The following SRRM4 variants were observed in gnomAD, a reference collection of about 807,000 sequenced individuals.
SRRM4 encodes the protein serine/arginine repetitive matrix protein 4.
SRRM4 carries 33 observed loss-of-function variants against 68.9 expected under a neutral mutation model. That is an observed-to-expected ratio of 0.48 (90% CI 0.36 to 0.64). SRRM4 has a LOEUF of 0.64. Among genes scored for constraint, SRRM4 ranks in the 30% least tolerant of loss-of-function variants. The pLI is 0.00. For missense variants in SRRM4, 817 were observed against 827.1 expected (o/e 0.99, Z 0.15); for synonymous variants, 318 against 318.8 (o/e 1.00, Z 0.03).
intron 1 of SRRM4, among the ~76,000 whole-genome samples, chr12:118,982,686 T>TG (rs1249788875): frequency 7.1e-6 from 1 of 141,294 alleles, no homozygotes; most frequent in East Asian, 2.0e-4. Context: ...TTTGTTTTTT[T>TG]TTTTTTTTTC....
chr12:119,025,299 G>T (rs907956097), intron 1 of SRRM4, among the ~76,000 whole-genome samples: 29 of 152,094 alleles, frequency 1.9e-4, no homozygotes, highest in African/African-American at 7.0e-4. Flanking sequence ...CAGGGGGGCT[G>T]GAATATATGG....
chr12:119,010,168 T>C (rs1220638109), intron 1 of SRRM4, among the ~76,000 whole-genome samples: 8 of 152,212 alleles, frequency 5.3e-5, no homozygotes, highest in Non-Finnish European at 1.2e-4. Flanking sequence ...TTCTCCGGCC[T>C]CAGCCTCCTG....
chr12:119,024,523 A>G (rs1295573152), intron 1 of SRRM4, among the ~76,000 whole-genome samples: 1 of 152,184 alleles, frequency 6.6e-6, no homozygotes, highest in Non-Finnish European at 1.5e-5. Flanking sequence ...CCTGCTCCTC[A>G]TAAGCCCATT....
intron 1 of SRRM4, among the ~76,000 whole-genome samples, chr12:119,027,964 G>A (rs1300991443): frequency 6.6e-6 from 1 of 152,214 alleles, no homozygotes; most frequent in African/African-American, 2.4e-5. Context: ...GATAATAATA[G>A]CAAAGATTCT....
In SRRM4 at chr12:119,149,067, C is replaced by A. The variant is rs56213849; in HGVS notation, c.1077-1950C>A. On this transcript the variant is annotated intron_variant, in intron 9 of 12. Coordinates refer to ENST00000267260, the MANE Select transcript of SRRM4 (RefSeq NM_194286.4). ...AATCTGGGGGTAATAATAGCATTGG[C>A]AGCTGGGCGCAGTGGCTCATGCCTG... Among the ~76,000 whole-genome samples the A allele has an allele frequency of 3.9e-3, 590 of 152,240 alleles. 2 individuals carry two copies. Among genetic ancestry groups the A allele is most frequent in the Non-Finnish European group, 6.2e-3 (420 of 68,020 alleles).
chr12:119,123,561 G>A (rs998761518), intron 6 of SRRM4, among the ~76,000 whole-genome samples: 5 of 152,024 alleles, frequency 3.3e-5, no homozygotes, highest in Non-Finnish European at 5.9e-5. Context: ...CACCCTCCCC[G>A]CTGGCAAGAG....
In SRRM4 at chr12:119,090,635, C is replaced by G. The variant is rs540007165; in HGVS notation, c.132-11601C>G. Among the ~76,000 whole-genome samples the G allele has an allele frequency of 7.8e-4, 118 of 152,202 alleles. 1 individual carries two copies. Among genetic ancestry groups the G allele is most frequent in the Admixed American group, 3.2e-3 (49 of 15,286 alleles). Reference sequence around the variant, plus strand: ...CATTCCCACCTATCTGGAAAGAGATCTAGGATCTGACCAACAGCATCCACT... The same window carrying G: ...CATTCCCACCTATCTGGAAAGAGATGTAGGATCTGACCAACAGCATCCACT... On this transcript the variant is annotated intron_variant, in intron 1 of 12. Transcript: ENST00000267260.
At chr12:119,125,295 C>T (rs559999620) in intron 6 of SRRM4, 86 bp from the exon 7 acceptor site, 42 of 1,241,062 alleles carry the variant, frequency 3.4e-5, no homozygotes, top group African/African-American at 7.4e-5. Context: ...AAAGGAAAAA[C>T]GGGTGTCACA....
At position 119,135,945 on chromosome 12, in the gene SRRM4, G is replaced by A. The variant is rs1365323651; in HGVS notation, c.771+5111G>A. 2.0e-5 allele frequency among the ~76,000 whole-genome samples: 3 copies of A among 152,100 alleles called. No homozygotes were observed. The East Asian group carries it at 5.8e-4, about 30-fold the overall frequency. On this transcript the variant is annotated intron_variant, in intron 8 of 12. Transcript: ENST00000267260. ...TACTTATAGGATTGTTATGAGGATA[G>A]AGTAAGATAAGGTATCCATTCATTT...
intron 1 of SRRM4, among the ~76,000 whole-genome samples, chr12:119,089,224 C>T (rs1036922023): frequency 6.6e-6 from 1 of 152,110 alleles, no homozygotes; most frequent in African/African-American, 2.4e-5. Context: ...CCGAAACCCA[C>T]CGCACCACCC....
chr12:119,075,574 G>T (rs572997010), intron 1 of SRRM4, among the ~76,000 whole-genome samples: 1 of 147,592 alleles, frequency 6.8e-6, no homozygotes, highest in East Asian at 2.1e-4. Flanking sequence ...TGATAATGGT[G>T]ATGATGGTGA....
chr12:119,125,240 G>A (rs1185078326), intron 6 of SRRM4, 141 bp from the exon 7 acceptor site: 7 of 706,516 alleles, frequency 9.9e-6, no homozygotes, highest in Non-Finnish European at 1.7e-5. Context: ...CTAACGCATG[G>A]GGTTGAGGGA....
At chr12:118,985,596 C>T (rs1353767337) in intron 1 of SRRM4, among the ~76,000 whole-genome samples, 1 of 152,164 alleles carries the variant, frequency 6.6e-6, no homozygotes, top group Admixed American at 6.5e-5. Flanking sequence ...TATCTACCAG[C>T]CGGAAGGGAA....
chr12:119,075,847 GA>G (rs1953909352), intron 1 of SRRM4, among the ~76,000 whole-genome samples: 1 of 151,334 alleles, frequency 6.6e-6, no homozygotes, highest in Non-Finnish European at 1.5e-5. Context: ...TGATGATGAT[GA>G]TGTTGATGAT....
At chr12:119,003,332 G>T (rs1185820781) in intron 1 of SRRM4, among the ~76,000 whole-genome samples, 1 of 151,752 alleles carries the variant, frequency 6.6e-6, no homozygotes, top group Non-Finnish European at 1.5e-5. Flanking sequence ...AGCCTTCACA[G>T]CTTCCGGCAT....
intron 1 of SRRM4, among the ~76,000 whole-genome samples, chr12:118,983,162 T>C (rs926871312): frequency 2.6e-5 from 4 of 152,088 alleles, no homozygotes; most frequent in African/African-American, 7.2e-5. Flanking sequence ...TTCCAGTGAG[T>C]GTGAGGTGGA....
intron 10 of SRRM4, among the ~76,000 whole-genome samples, 185 bp from the exon 11 acceptor site, chr12:119,153,354 T>G (rs1225028910): frequency 1.6e-5 from 2 of 125,748 alleles, no homozygotes; most frequent in Non-Finnish European, 3.3e-5. Flanking sequence ...TAGAAGTTGT[T>G]GGTATTATTA....
At chr12:119,063,150 G>T (rs1953824846) in intron 1 of SRRM4, among the ~76,000 whole-genome samples, 1 of 152,090 alleles carries the variant, frequency 6.6e-6, no homozygotes. Context: ...CACTCTGCTA[G>T]GCAATAGATG....
chr12:119,137,703 T>C lies in SRRM4; in HGVS notation c.771+6869T>C, dbSNP rs546058040. Reference sequence around the variant, plus strand: ...AGGGAAATAGTTCACTTCCCCCCAATGGCCTTGAGTTCATGAAAAACATTT... The same window carrying C: ...AGGGAAATAGTTCACTTCCCCCCAACGGCCTTGAGTTCATGAAAAACATTT... On this transcript the variant is annotated intron_variant, in intron 8 of 12. Transcript: ENST00000267260. 2.8e-4 allele frequency among the ~76,000 whole-genome samples: 43 copies of C among 151,810 alleles called. 2 individuals carry two copies. In the East Asian group the frequency reaches 7.9e-3, roughly 28 times the overall value.
Sources: gnomAD v4.1 joint callset for allele counts (sites outside exome capture counted in the v4.1 genomes callset) on GRCh38, gnomAD v4.1.1 for gene constraint, MANE v1.5 for transcripts, NCBI Gene and HGNC (gene_info 2026-07-23, HGNC 2026-07-21) for gene names.